Variants in FAM167A observed in about 807,000 individuals in gnomAD.
FAM167A encodes family with sequence similarity 167 member A, also known as protein FAM167A.
A neutral mutation model predicts 14.9 loss-of-function variants in FAM167A; 23 were observed. The ratio of observed to expected loss-of-function variants is 1.55; its 90% CI spans 1.11 to 2.19. FAM167A has a LOEUF of 2.19. FAM167A is among the 30% of genes most tolerant of loss of function. The pLI is 0.00. For missense variants in FAM167A, 401 were observed against 281.5 expected (o/e 1.42, Z -3.04); for synonymous variants, 174 against 117.7 (o/e 1.48, Z -3.10).
intron 2 of FAM167A, among the ~76,000 whole-genome samples, chr8:11,430,270 CG>C (rs1805487378): frequency 6.6e-6 from 1 of 152,178 alleles, no homozygotes; most frequent in Non-Finnish European, 1.5e-5. Context: ...TGTCATTGGT[CG>C]GGGGCTGTCC....
intron 1 of FAM167A, among the ~76,000 whole-genome samples, chr8:11,464,429 T>A (rs1480039729): frequency 6.6e-6 from 1 of 152,094 alleles, no homozygotes; most frequent in Non-Finnish European, 1.5e-5. Flanking sequence ...TTTCCCACCC[T>A]GTCCCATCCT....
At chr8:11,448,193 T>TAAAA (rs34728701) in intron 1 of FAM167A, among the ~76,000 whole-genome samples, 3 of 135,560 alleles carry the variant, frequency 2.2e-5, no homozygotes, top group African/African-American at 8.4e-5. Context: ...GACTCTGTCT[T>TAAAA]AAAAAAAAAA....
At chr8:11,425,144 CTT>C (rs1227195365) in intron 2 of FAM167A, among the ~76,000 whole-genome samples, 385 of 151,982 alleles carry the variant, frequency 2.5e-3, no homozygotes, top group African/African-American at 8.9e-3. Flanking sequence ...TGAAATATTT[CTT>C]AGTAAAGTTT....
At chr8:11,431,378 AGGGCTGGGGAGAG>A (rs1332784694) in intron 2 of FAM167A, among the ~76,000 whole-genome samples, 1 of 152,210 alleles carries the variant, frequency 6.6e-6, no homozygotes, top group Non-Finnish European at 1.5e-5. Flanking sequence ...AGTGGTGCCA[AGGGCTGGGGAGAG>A]GGGATGGGGA....
chr8:11,450,043 A>T (rs778460447), intron 1 of FAM167A, among the ~76,000 whole-genome samples: 61 of 152,198 alleles, frequency 4.0e-4, no homozygotes, highest in Non-Finnish European at 7.1e-4. Flanking sequence ...TCTCCACTAG[A>T]ACCCTTTCGT....
chr8:11,462,007 G>GC (rs1342536813), intron 1 of FAM167A, among the ~76,000 whole-genome samples: 3 of 152,230 alleles, frequency 2.0e-5, no homozygotes, highest in Non-Finnish European at 2.9e-5. Flanking sequence ...GGCTTGGACT[G>GC]CCCAGTGCAG....
chr8:11,460,178 C>T (rs1701497292), intron 1 of FAM167A, among the ~76,000 whole-genome samples: 1 of 152,248 alleles, frequency 6.6e-6, no homozygotes, highest in African/African-American at 2.4e-5. Context: ...GGCAGGCGCC[C>T]TAGTGGGCTG....
intron 1 of FAM167A, among the ~76,000 whole-genome samples, chr8:11,462,327 C>A (rs1299791467): frequency 1.3e-5 from 2 of 152,236 alleles, no homozygotes; most frequent in African/African-American, 4.8e-5. Context: ...AGATTCAACC[C>A]TCCTAGGCCT....
At chr8:11,433,577 T>C (rs909592314) in intron 2 of FAM167A, among the ~76,000 whole-genome samples, 10 of 152,172 alleles carry the variant, frequency 6.6e-5, no homozygotes, top group Admixed American at 2.0e-4. Context: ...GAAATCCCAG[T>C]GCACAGGGGC....
upstream of FAM167A, among the ~76,000 whole-genome samples, chr8:11,470,856 A>G (rs2117172669): frequency 6.6e-6 from 1 of 152,150 alleles, no homozygotes; most frequent in South Asian, 2.1e-4. Context: ...AAGAAGCGGG[A>G]AGTGACTGTC....
intron 1 of FAM167A, among the ~76,000 whole-genome samples, chr8:11,474,193 C>T (rs1797798196): frequency 6.6e-6 from 1 of 152,204 alleles, no homozygotes; most frequent in Non-Finnish European, 1.5e-5. Context: ...TTTATCACGT[C>T]TGCGCGCCAA....
At chr8:11,424,708 C>T in intron 2 of FAM167A, 72 bp from the exon 3 acceptor site, 1 of 1,568,780 alleles carries the variant, frequency 6.4e-7, no homozygotes, top group Middle Eastern at 2.2e-4. Context: ...GACTGGTTAG[C>T]AGGGCCCTGA....
chr8:11,426,240 G>A (rs779895720), intron 2 of FAM167A, among the ~76,000 whole-genome samples: 1 of 152,090 alleles, frequency 6.6e-6, no homozygotes, highest in Non-Finnish European at 1.5e-5. Context: ...TATCCCACCT[G>A]TTTAGGCTGA....
chr8:11,437,082 C>G (rs1806070379), intron 2 of FAM167A, among the ~76,000 whole-genome samples: 1 of 152,216 alleles, frequency 6.6e-6, no homozygotes. Flanking sequence ...TACTCGGGTA[C>G]CTGTCTTCTT....
At chr8:11,443,230 G>T (rs1217997020) in intron 2 of FAM167A, among the ~76,000 whole-genome samples, 7 of 152,208 alleles carry the variant, frequency 4.6e-5, no homozygotes, top group Admixed American at 4.6e-4. Context: ...CCCTGGGGGG[G>T]TGGAAGGGGA....
At chr8:11,440,991 T>C (rs1203105696) in intron 2 of FAM167A, among the ~76,000 whole-genome samples, 1 of 151,852 alleles carries the variant, frequency 6.6e-6, no homozygotes, top group African/African-American at 2.4e-5. Flanking sequence ...CTCTCAGTTT[T>C]CAATCCAATC....
rs139237077 is a variant in FAM167A, at chr8:11,447,838, G to A, written c.-397-3030C>T. Among the ~76,000 whole-genome samples, 1,303 of 152,304 alleles carry A rather than the reference G, an allele frequency of 8.6e-3. 82 individuals are homozygous for A. The highest frequency in any genetic ancestry group is 0.076 in the Admixed American group (1,158 of 15,296). The stretch of plus-strand genomic sequence containing the variant: ...CCTCTTCTGAGAAATGAGAACAACC[G>A]GAACGACTACATAATTCACAAGGCT... On this transcript the variant is annotated intron_variant, in intron 1 of 2. Coordinates refer to ENST00000284486, the MANE Select transcript of FAM167A (RefSeq NM_053279.3).
chr8:11,469,278 G>A (rs1807880054), upstream of FAM167A, among the ~76,000 whole-genome samples: 1 of 152,190 alleles, frequency 6.6e-6, no homozygotes, highest in East Asian at 1.9e-4. Flanking sequence ...AATGTCTTCT[G>A]TAAGCCTGCA....
intron 2 of FAM167A, among the ~76,000 whole-genome samples, chr8:11,425,674 C>CA (rs936761191): frequency 6.6e-6 from 1 of 151,938 alleles, no homozygotes; most frequent in African/African-American, 2.4e-5. Flanking sequence ...TTATACCCCC[C>CA]CTTGCTGTTG....
Sources: gnomAD v4.1 joint callset for allele counts (sites outside exome capture counted in the v4.1 genomes callset) on GRCh38, gnomAD v4.1.1 for gene constraint, MANE v1.5 for transcripts, NCBI Gene and HGNC (gene_info 2026-07-23, HGNC 2026-07-21) for gene names.